The following AGMO variants were observed in gnomAD, a reference collection of about 807,000 sequenced individuals.
AGMO encodes alkylglycerol monooxygenase.
AGMO carries 75 observed loss-of-function variants against 60.2 expected under a neutral mutation model. The ratio of observed to expected loss-of-function variants is 1.25; its 90% confidence interval spans 1.03 to 1.51. The LOEUF (loss-of-function observed/expected upper bound fraction) is 1.51, where lower values mean the gene tolerates loss of function less well. Among genes scored for constraint, AGMO ranks in the 40% most tolerant of loss-of-function variants. The pLI is 0.00. For missense variants in AGMO, 763 were observed against 525.5 expected (o/e 1.45, Z -4.42); for synonymous variants, 261 against 177.1 (o/e 1.47, Z -3.76).
chr7:15,228,029 G>C (rs894034382), intron 12 of AGMO, among the ~76,000 whole-genome samples: 1 of 152,046 alleles, frequency 6.6e-6, no homozygotes, highest in Admixed American at 6.6e-5. Flanking sequence ...TACTGGGACA[G>C]GGTGCTGCCT....
intron 3 of AGMO, among the ~76,000 whole-genome samples, chr7:15,502,364 G>A (rs941686743): frequency 6.6e-6 from 1 of 151,830 alleles, no homozygotes; most frequent in African/African-American, 2.4e-5. Context: ...CAAGAGGCAG[G>A]AGGCTGAGAA....
At chr7:15,312,544 G>T (rs1022902438) in intron 12 of AGMO, among the ~76,000 whole-genome samples, 1 of 150,886 alleles carries the variant, frequency 6.6e-6, no homozygotes, top group African/African-American at 2.4e-5. Flanking sequence ...TGGCGGGGGC[G>T]GTGGGGGGAG....
intron 12 of AGMO, among the ~76,000 whole-genome samples, chr7:15,356,287 T>A (rs1327312999): frequency 6.6e-6 from 1 of 151,870 alleles, no homozygotes; most frequent in East Asian, 1.9e-4. Flanking sequence ...TAGAAAAAAA[T>A]AGAAACAAAC....
intron 12 of AGMO, among the ~76,000 whole-genome samples, chr7:15,290,199 T>C (rs1784222369): frequency 6.6e-6 from 1 of 151,972 alleles, no homozygotes; most frequent in Non-Finnish European, 1.5e-5. Flanking sequence ...TGGCTAATTT[T>C]TGTATTTTCA....
At chr7:15,548,435 GTATAA>G (rs1562567281) in intron 2 of AGMO, among the ~76,000 whole-genome samples, 1 of 151,578 alleles carries the variant, frequency 6.6e-6, no homozygotes, top group African/African-American at 2.4e-5. Flanking sequence ...TTAGAAGAAT[GTATAA>G]CTAGAATAAC....
chr7:15,385,676 A>C, intron 9 of AGMO, 114 bp from the exon 10 acceptor site: 1 of 695,042 alleles, frequency 1.4e-6, no homozygotes, highest in East Asian at 2.7e-5. Context: ...AAAAAAGACA[A>C]ACATAATTTT....
chr7:15,168,457 C>G, the AGMO span, among the ~76,000 whole-genome samples: 16 of 152,218 alleles, frequency 1.1e-4, no homozygotes, highest in Admixed American at 7.2e-4. Flanking sequence ...ACCACCTGGT[C>G]AGCCAGCATG....
rs139494670 is a variant in AGMO, at chr7:15,283,930, C to A, written c.1263+81584G>T. Among the ~76,000 whole-genome samples the A allele has an allele frequency of 5.7e-3, 862 of 152,008 alleles. 3 individuals carry two copies. The highest frequency in any genetic ancestry group is 0.018 in the African/African-American group (745 of 41,506). On this transcript the variant is annotated intron_variant, in intron 12 of 12. Transcript: ENST00000342526. ...ACTAGAAATCAACTCCAAAAGGAAC[C>A]CTCAAACTAGACAAATACATGAAAA...
Position 15,533,877 on chromosome 7 carries a change from C to G in AGMO, c.409+10895G>C, listed in dbSNP as rs925375239. On this transcript the variant is annotated intron_variant, in intron 3 of 12. Transcript: ENST00000342526. ...TCATTCTTCAAACAGTTCCAAAACA[C>G]AGAGCTGGCATTAAAAATTTGTTTT... Among the ~76,000 whole-genome samples, 49 of 152,046 alleles carry G rather than the reference C, an allele frequency of 3.2e-4. 1 individual carries two copies. The highest frequency in any genetic ancestry group is 6.3e-4 in the Non-Finnish European group (43 of 67,988).
At chr7:15,349,896 T>TCC (rs1782174831) in intron 12 of AGMO, among the ~76,000 whole-genome samples, 1 of 152,024 alleles carries the variant, frequency 6.6e-6, no homozygotes, top group Admixed American at 6.6e-5. Flanking sequence ...TCTTACTGGG[T>TCC]CCCCTCCTAT....
chr7:15,258,004 A>G (rs1229403936), intron 12 of AGMO, among the ~76,000 whole-genome samples: 1 of 152,178 alleles, frequency 6.6e-6, no homozygotes, highest in African/African-American at 2.4e-5. Flanking sequence ...ATAGTATGAA[A>G]ACTCAGAATA....
the AGMO span, among the ~76,000 whole-genome samples, chr7:15,148,687 G>A: frequency 1.3e-5 from 2 of 152,116 alleles, no homozygotes; most frequent in African/African-American, 4.8e-5. Context: ...ATTCCATGGT[G>A]TATACGTAGC....
chr7:15,420,765 T>A (rs1255815521), intron 4 of AGMO, among the ~76,000 whole-genome samples: 1 of 151,948 alleles, frequency 6.6e-6, no homozygotes, highest in Non-Finnish European at 1.5e-5. Flanking sequence ...AAACTCAGAG[T>A]AACTTGGTAG....
intron 10 of AGMO, among the ~76,000 whole-genome samples, chr7:15,369,312 T>C (rs1583467008): frequency 6.6e-6 from 1 of 152,078 alleles, no homozygotes; most frequent in Non-Finnish European, 1.5e-5. Context: ...TGTGAGATCA[T>C]GTCACACATG....
At chr7:15,334,313 T>A (rs1327711535) in intron 12 of AGMO, among the ~76,000 whole-genome samples, 2 of 56,252 alleles carry the variant, frequency 3.6e-5, no homozygotes, top group African/African-American at 1.3e-4. Flanking sequence ...CTTGGTGAGT[T>A]TTTTTTTTTT....
chr7:15,498,127 G>A (rs543906584), intron 3 of AGMO, among the ~76,000 whole-genome samples: 1 of 152,110 alleles, frequency 6.6e-6, no homozygotes, highest in South Asian at 2.1e-4. Flanking sequence ...CTACCTAAAT[G>A]TCAGTTGTAT....
At chr7:15,147,249 T>G in the AGMO span, among the ~76,000 whole-genome samples, 1 of 152,082 alleles carries the variant, frequency 6.6e-6, no homozygotes, top group South Asian at 2.1e-4. Context: ...ATTAGTCTGT[T>G]CTCACGCTGC....
At chr7:15,198,225 G>GAGAGAGAC (rs1563030389), downstream of AGMO, among the ~76,000 whole-genome samples, 127 of 115,984 alleles carry the variant, frequency 1.1e-3, 4 homozygotes, top group African/African-American at 5.0e-3. Flanking sequence ...GAGAGAGAGA[G>GAGAGAGAC]AGAGAGAGAG....
chr7:15,549,165 A>G (rs1477949536), intron 2 of AGMO, among the ~76,000 whole-genome samples: 1 of 146,550 alleles, frequency 6.8e-6, no homozygotes, highest in African/African-American at 2.6e-5. Context: ...TCCTGAAGGA[A>G]GCGCTAAACA....
Sources: gnomAD v4.1 joint callset for allele counts (sites outside exome capture counted in the v4.1 genomes callset) on GRCh38, gnomAD v4.1.1 for gene constraint, MANE v1.5 for transcripts, NCBI Gene and HGNC (gene_info 2026-07-23, HGNC 2026-07-21) for gene names.